ANK1: variants seen among roughly 807,000 people sequenced by gnomAD.
ANK1 encodes ankyrin-1.
In ANK1, 51 loss-of-function variants were observed where a neutral mutation model predicts 210.4. The observed-to-expected ratio is 0.24, with a 90% CI of 0.19 to 0.31. The LOEUF (loss-of-function observed/expected upper bound fraction) is 0.31, where lower values mean the gene tolerates loss of function less well. Among genes scored for constraint, ANK1 ranks in the 10% least tolerant of loss-of-function variants. The pLI, the probability that ANK1 is intolerant of heterozygous loss-of-function variation, is 1.00. For synonymous variants in ANK1, 967 were observed against 1,025.9 expected (o/e 0.94, Z 1.10); for missense variants, 2,051 against 2,504.4 (o/e 0.82, Z 3.86).
intron 26 of ANK1, 43 bp from the exon 27 acceptor site, chr8:41,695,374 G>C (rs1320859730): frequency 3.7e-6 from 6 of 1,612,458 alleles, no homozygotes; most frequent in Non-Finnish European, 5.1e-6. Context: ...GCTCATACAA[G>C]GCAGGCAGGG....
intron 20 of ANK1, among the ~76,000 whole-genome samples, chr8:41,703,451 T>TATATATATATA (rs1554555252): frequency 4.7e-3 from 175 of 37,292 alleles, no homozygotes; most frequent in East Asian, 0.012. Flanking sequence ...TATATATATA[T>TATATATATATA]TTTTTTTTTT....
At chr8:41,838,328 C>T (rs540240332) in intron 1 of ANK1, among the ~76,000 whole-genome samples, 8 of 152,330 alleles carry the variant, frequency 5.3e-5, no homozygotes, top group South Asian at 2.1e-4. Flanking sequence ...ATGGTTTCCA[C>T]GCTGTAGGAC....
chr8:41,694,761 C>A lies in ANK1; in HGVS notation c.3158G>T (p.Arg1053Leu). ...CAGCGGGAAGTCGGTGGTGATGATT[C>A]GGCACACCCTCTTCTTCTCTAGCTC... ...LEELEKKRVCRIITTDFPLYF... is the reference protein window; with the variant it reads ...LEELEKKRVCLIITTDFPLYF... Residue 1053 changes from arginine (R) to leucine (L), a missense_variant, in exon 28 of 43, where the codon CGA becomes CTA. By Grantham distance (102) the Arg-to-Leu change is moderately radical. Coordinates refer to ENST00000289734, the MANE Select transcript of ANK1 (RefSeq NM_000037.4). This position sits in a 1 kb window ranked among gnomAD's most constrained non-coding sequence, Gnocchi z 5.7. 1 of 1,614,128 alleles carries A rather than the reference C, an allele frequency of 6.2e-7. No homozygotes were observed. Among genetic ancestry groups the A allele is most frequent in the East Asian group, 2.2e-5 (1 of 44,876 alleles).
At chr8:41,660,232 C>G (rs1483487726) in intron 42 of ANK1, among the ~76,000 whole-genome samples, 1 of 152,032 alleles carries the variant, frequency 6.6e-6, no homozygotes, top group East Asian at 2.0e-4. Context: ...CTTTTTTGCC[C>G]AAGTGCTGAG....
intron 2 of ANK1, among the ~76,000 whole-genome samples, chr8:41,735,160 C>G (rs1007950704): frequency 6.6e-6 from 1 of 152,216 alleles, no homozygotes. Flanking sequence ...TCATCACTCT[C>G]ATGCTTCCTG....
At chr8:41,896,273 G>A in intron 1 of ANK1, 1 of 1,469,630 alleles carries the variant, frequency 6.8e-7, no homozygotes, top group East Asian at 2.8e-5. Context: ...GCCCCACCGC[G>A]TCCCGGGCCG....
intron 8 of ANK1, 42 bp downstream of exon 8, chr8:41,723,493 C>A (rs766949604): frequency 3.8e-6 from 6 of 1,588,920 alleles, no homozygotes; most frequent in Non-Finnish European, 5.2e-6. Flanking sequence ...TGAGGGGGGA[C>A]CTCCCTCCCC....
At chr8:41,876,334 AC>A (rs1816604396) in intron 1 of ANK1, among the ~76,000 whole-genome samples, 1 of 152,000 alleles carries the variant, frequency 6.6e-6, no homozygotes. Context: ...CCTTGTCCCC[AC>A]CCAGGTTCTC....
At chr8:41,772,106 G>T (rs913063713) in intron 1 of ANK1, among the ~76,000 whole-genome samples, 1 of 152,170 alleles carries the variant, frequency 6.6e-6, no homozygotes, top group African/African-American at 2.4e-5. Flanking sequence ...CGAGAGAAGG[G>T]CATCCTGGCA....
chr8:41,895,906 C>CCCA (rs1554674067), intron 1 of ANK1, among the ~76,000 whole-genome samples: 2 of 152,068 alleles, frequency 1.3e-5, no homozygotes, highest in African/African-American at 4.8e-5. Flanking sequence ...GAGCTGCCCC[C>CCCA]CCCCGGCCCG....
Position 41,723,565 on chromosome 8 carries a change from A to G in ANK1, c.780T>C (p.Asp260=). 6.2e-7 allele frequency: 1 copy of G among 1,613,880 alleles called. No homozygotes were observed. The highest frequency in any genetic ancestry group is 8.5e-7 in the Non-Finnish European group (1 of 1,179,932). ...GNVIMVRLLL[D]RGAQIETKTK... is the part of the protein sequence containing the mutation. ...TCTTGGTTTCTATCTGGGCTCCCCG[A>G]TCCAGCAGCAGCCGCACCATGATCA... is the stretch of plus-strand genomic sequence containing the variant. The change falls in exon 8 of 43, where the codon GAT becomes GAC. Residue 260 remains aspartate (D), a synonymous_variant. Coordinates refer to ENST00000289734, the MANE Select transcript of ANK1 (RefSeq NM_000037.4).
chr8:41,660,466 C>G (rs1296674728), intron 42 of ANK1: 2 of 460,574 alleles, frequency 4.3e-6, no homozygotes, highest in African/African-American at 4.1e-5. Flanking sequence ...CTGCCCCGAG[C>G]TGGGCAGCAT....
chr8:41,803,060 AAAGGAAGGAAGG>A (rs66466616), intron 1 of ANK1, among the ~76,000 whole-genome samples: 2 of 59,074 alleles, frequency 3.4e-5, no homozygotes, highest in East Asian at 5.4e-4. Context: ...AGAAAGAGAG[AAAGGAAGGAAGG>A]AAGGAAGGAA....
intron 39 of ANK1, chr8:41,664,243 C>T (rs757274157): frequency 9.2e-5 from 41 of 447,958 alleles, no homozygotes; most frequent in Middle Eastern, 3.3e-4. Flanking sequence ...AGGCCAAGGC[C>T]GGAGGACCAC....
chr8:41,672,263 C>T (rs1298785703), intron 38 of ANK1, 91 bp downstream of exon 38: 1 of 1,418,562 alleles, frequency 7.0e-7, no homozygotes, highest in Admixed American at 1.9e-5. Flanking sequence ...TCAGGGTTGG[C>T]ATCGACACCT....
chr8:41,848,459 C>A (rs1189187143), intron 1 of ANK1, among the ~76,000 whole-genome samples: 1 of 152,174 alleles, frequency 6.6e-6, no homozygotes, highest in African/African-American at 2.4e-5. Context: ...ACCATTGGTC[C>A]CTGCAGAGCC....
At chr8:41,761,628 G>A (rs1252793086) in intron 1 of ANK1, among the ~76,000 whole-genome samples, 4 of 152,094 alleles carry the variant, frequency 2.6e-5, no homozygotes, top group African/African-American at 7.2e-5. Context: ...AGTGTGTGGC[G>A]ATTTGTTACA....
chr8:41,789,547 C>T (rs774196497), intron 1 of ANK1, among the ~76,000 whole-genome samples: 4 of 152,228 alleles, frequency 2.6e-5, no homozygotes, highest in Admixed American at 6.5e-5. Context: ...TGGGCCCCTG[C>T]GGTCACACTG....
At chr8:41,764,158 G>A (rs1841207460) in intron 1 of ANK1, among the ~76,000 whole-genome samples, 1 of 88,630 alleles carries the variant, frequency 1.1e-5, no homozygotes. Flanking sequence ...TTATAAAGCG[G>A]TCATGTGCAT....
Sources: allele counts gnomAD v4.1 joint callset (sites outside exome capture counted in the v4.1 genomes callset), GRCh38; gene constraint gnomAD v4.1.1; non-coding constraint Gnocchi (gnomAD v3.1); transcripts MANE v1.5; gene names NCBI Gene and HGNC (gene_info 2026-07-23, HGNC 2026-07-21).